Variants in CYTH3 observed in about 807,000 individuals in gnomAD.
The protein encoded by CYTH3 is cytohesin 3.
A neutral mutation model predicts 55.1 loss-of-function variants in CYTH3; 23 were observed. The observed-to-expected ratio is 0.42, with a 90% confidence interval of 0.30 to 0.59. CYTH3 has a LOEUF of 0.59. Among genes scored for constraint, CYTH3 ranks in the 20% least tolerant of loss-of-function variants. The probability of loss-of-function intolerance (pLI) is 0.20; values close to 1 mark genes in which losing one functional copy is unlikely to be tolerated. For missense variants in CYTH3, 413 were observed against 524.8 expected, an observed-to-expected ratio of 0.79 and a Z score of 2.08; for synonymous variants, 249 against 194.9, an observed-to-expected ratio of 1.28 and a Z score of -2.31.
chr7:6,186,501 C>T (rs1009928606), intron 4 of CYTH3, among the ~76,000 whole-genome samples: 1 of 152,140 alleles, frequency 6.6e-6, no homozygotes, highest in African/African-American at 2.4e-5. Flanking sequence ...CTAGAAAATC[C>T]AACTTGAGGA....
intron 1 of CYTH3, among the ~76,000 whole-genome samples, chr7:6,264,955 G>A (rs772337246): frequency 7.2e-5 from 11 of 152,188 alleles, no homozygotes; most frequent in Non-Finnish European, 1.5e-4. Flanking sequence ...ATTTTAGATA[G>A]GTTGGTCAAG....
intron 1 of CYTH3, among the ~76,000 whole-genome samples, chr7:6,229,351 C>T (rs193026091): frequency 1.8e-3 from 270 of 152,274 alleles, no homozygotes; most frequent in Middle Eastern, 0.014. Context: ...ATCAGGTGTG[C>T]TCATTTTCCT....
At chr7:6,181,490 T>G (rs1264971265) in intron 4 of CYTH3, among the ~76,000 whole-genome samples, 1 of 152,018 alleles carries the variant, frequency 6.6e-6, no homozygotes, top group Non-Finnish European at 1.5e-5. Flanking sequence ...AAGCTTGCTG[T>G]GCTCCTCATT....
intron 1 of CYTH3, among the ~76,000 whole-genome samples, chr7:6,215,098 T>G (rs1244339063): frequency 6.6e-6 from 1 of 152,222 alleles, no homozygotes; most frequent in African/African-American, 2.4e-5. Context: ...TCAAGTGTTC[T>G]GAAAGAGTAC....
rs1491219669 is a variant in CYTH3 at position 6,259,772 on chromosome 7, T to TATAATATATATATATATATAA, written c.34+12701_34+12702insTTATATATATATATATATTAT. Among the ~76,000 whole-genome samples, 27 of 30,500 alleles carry TATAATATATATATATATATAA rather than the reference T, an allele frequency of 8.9e-4. No individual in the cohort carries two copies. In the East Asian group the frequency reaches 0.016, roughly 19 times the overall value. 20.0% of individuals were successfully genotyped at this position (30,500 alleles called of 152,430 possible). On this transcript the variant is annotated intron_variant, in intron 1 of 12. Coordinates refer to ENST00000350796, the MANE Select transcript of CYTH3 (RefSeq NM_004227.4). Reference sequence around the variant, plus strand: ...TATATATATATTATATATATATATATTATATATATATAATATATATATATA... The same window carrying TATAATATATATATATATATAA: ...TATATATATATTATATATATATATATATAATATATATATATATATAATATATATATATAATATATATATATA...
At chr7:6,173,244 G>C (rs889739820) in intron 6 of CYTH3, among the ~76,000 whole-genome samples, 1 of 152,154 alleles carries the variant, frequency 6.6e-6, no homozygotes, top group Non-Finnish European at 1.5e-5. Context: ...AAAATGGCGA[G>C]ACACCTACAT....
At chr7:6,188,737 T>C (rs1343680886) in intron 2 of CYTH3, 1 of 152,204 alleles carries the variant, frequency 6.6e-6, no homozygotes, top group Non-Finnish European at 1.5e-5. Context: ...TGGGCCTCAG[T>C]GTGCTCACTG....
In CYTH3 at chr7:6,170,601, C is replaced by T; in HGVS notation, c.757G>A (p.Asp253Asn). 6.2e-7 allele frequency: 1 copy of T among 1,614,008 alleles called. No individual in the cohort carries two copies. The highest frequency in any genetic ancestry group is 8.5e-7 in the Non-Finnish European group (1 of 1,179,904). ...IKNEPFKIPE[D>N]DGNDLTHTFF... ...GTGTGGGTCAGGTCGTTCCCGTCGT[C>T]CTCCGGGATCTTAAATGGCTCGTTC... The change falls in exon 9 of 13, where the codon GAC becomes AAC. Residue 253 changes from aspartate to asparagine, a missense_variant. This residue lies in a region of CYTH3 where 156 missense variants were observed against 233.1 expected (regional missense o/e 0.67). Transcript: ENST00000350796. The surrounding 1 kb of genome is among the most constrained non-coding windows in gnomAD (Gnocchi z 7.8).
chr7:6,199,305 G>A (rs1784007315), intron 1 of CYTH3, among the ~76,000 whole-genome samples: 1 of 152,122 alleles, frequency 6.6e-6, no homozygotes, highest in African/African-American at 2.4e-5. Context: ...TCTGCTTCCA[G>A]CCACAATGGA....
At chr7:6,249,519 G>A (rs1451517520) in intron 1 of CYTH3, among the ~76,000 whole-genome samples, 1 of 152,170 alleles carries the variant, frequency 6.6e-6, no homozygotes, top group African/African-American at 2.4e-5. Context: ...CAATTTCCAC[G>A]ATCACCAACA....
At position 6,167,619 on chromosome 7, in the gene CYTH3, C is replaced by T. The variant is rs1783052050; in HGVS notation, c.824-1809G>A. Among the ~76,000 whole-genome samples, 1 of 152,254 alleles carries T rather than the reference C, an allele frequency of 6.6e-6. No individual in the cohort carries two copies. Among genetic ancestry groups the T allele is most frequent in the Non-Finnish European group, 1.5e-5 (1 of 68,046 alleles). On this transcript the variant is annotated intron_variant, in intron 9 of 12. Coordinates refer to ENST00000350796, the MANE Select transcript of CYTH3 (RefSeq NM_004227.4). This position sits in a 1 kb window ranked among gnomAD's most constrained non-coding sequence, Gnocchi z 5.5. ...GCCCCCCAAAGGGTCCCACTGCACT[C>T]AGCTTTAAACCCAACTCCTTGGGCG...
At chr7:6,188,144 T>C (rs534749606) in intron 2 of CYTH3, among the ~76,000 whole-genome samples, 185 of 152,088 alleles carry the variant, frequency 1.2e-3, no homozygotes, top group African/African-American at 4.2e-3. Context: ...CTGGGCAATG[T>C]AGCAAGGCCT....
At chr7:6,188,696 G>A (rs999747897) in intron 2 of CYTH3, 5 of 152,148 alleles carry the variant, frequency 3.3e-5, no homozygotes, top group African/African-American at 1.2e-4. Context: ...CCCTACTAAT[G>A]AGACTGACCT....
intron 4 of CYTH3, among the ~76,000 whole-genome samples, chr7:6,182,372 A>G (rs541087793): frequency 1.3e-5 from 2 of 152,054 alleles, no homozygotes; most frequent in African/African-American, 4.8e-5. Context: ...TTTAAGAGAC[A>G]GGGTCTCATT....
chr7:6,229,536 G>A (rs948889150), intron 1 of CYTH3, among the ~76,000 whole-genome samples: 1 of 151,826 alleles, frequency 6.6e-6, no homozygotes, highest in South Asian at 2.1e-4. Flanking sequence ...AGGGCTGGGC[G>A]CAGTGGTTCA....
At chr7:6,244,955 A>AT (rs887701278) in intron 1 of CYTH3, among the ~76,000 whole-genome samples, 564 of 36,406 alleles carry the variant, frequency 0.015, 88 homozygotes, top group Middle Eastern at 0.026. Context: ...CGCCCGGCTA[A>AT]TTTTTTTTTT....
intron 1 of CYTH3, among the ~76,000 whole-genome samples, chr7:6,232,242 G>C (rs1273914242): frequency 1.3e-5 from 2 of 152,066 alleles, no homozygotes; most frequent in Non-Finnish European, 2.9e-5. Flanking sequence ...TCCAATCTTG[G>C]GAGTACCACA....
At chr7:6,252,579 A>T (rs1443949233) in intron 1 of CYTH3, among the ~76,000 whole-genome samples, 1 of 152,138 alleles carries the variant, frequency 6.6e-6, no homozygotes, top group Non-Finnish European at 1.5e-5. Flanking sequence ...GGCTTTTCAT[A>T]CAATGAGTTT....
chr7:6,191,464 T>G (rs937949919), intron 1 of CYTH3, among the ~76,000 whole-genome samples: 5 of 152,168 alleles, frequency 3.3e-5, no homozygotes, highest in African/African-American at 4.8e-5. Context: ...GATTGTATGT[T>G]ATCAATCACA....
Sources: allele counts gnomAD v4.1 joint callset (sites outside exome capture counted in the v4.1 genomes callset), GRCh38; gene constraint gnomAD v4.1.1; regional missense constraint gnomAD v4.1.1; non-coding constraint Gnocchi (gnomAD v3.1); transcripts MANE v1.5; gene names NCBI Gene and HGNC (gene_info 2026-07-23, HGNC 2026-07-21).